The following TENM4 variants were observed in gnomAD, a reference collection of about 807,000 sequenced individuals.
TENM4 encodes teneurin-4.
Under a neutral mutation model 243.3 loss-of-function variants are expected in TENM4, and 82 were observed. That is an observed-to-expected ratio of 0.34 (90% confidence interval 0.28 to 0.40). TENM4 has a LOEUF of 0.40. TENM4 is among the 10% of genes least tolerant of loss of function. The probability of loss-of-function intolerance (pLI) is 1.00; values close to 1 mark genes in which losing one functional copy is unlikely to be tolerated. For missense variants in TENM4, 3,138 were observed against 3,673.3 expected (o/e 0.85, Z 3.77); for synonymous variants, 1,412 against 1,456.3 (o/e 0.97, Z 0.69).
Position 78,908,149 on chromosome 11 carries a change from G to T in TENM4, c.494-4626C>A, listed in dbSNP as rs1407387031. On this transcript the variant is annotated intron_variant, in intron 6 of 33. Transcript: ENST00000278550. ...CATAGTGAGGCTCCTTTACAATGCT[G>T]GGCAGAGCCGTATGTAAGAGAAAGA... Among the ~76,000 whole-genome samples the T allele has an allele frequency of 2.0e-5, 3 of 152,158 alleles. No homozygotes were observed. The East Asian group carries it at 5.8e-4, about 29-fold the overall frequency.
At chr11:79,251,550 G>C (rs976359700) in intron 2 of TENM4, among the ~76,000 whole-genome samples, 1 of 152,044 alleles carries the variant, frequency 6.6e-6, no homozygotes, top group East Asian at 1.9e-4. Context: ...TGAATGCAGG[G>C]AAATCCCACT....
chr11:79,216,072 C>A (rs1864046429), intron 2 of TENM4, among the ~76,000 whole-genome samples, 163 bp from the exon 3 acceptor site: 2 of 152,172 alleles, frequency 1.3e-5, no homozygotes, highest in Non-Finnish European at 2.9e-5. Context: ...GGGGTCCTGG[C>A]ACCCTGCAAA....
At chr11:79,170,389 C>T (rs1299105904) in intron 3 of TENM4, among the ~76,000 whole-genome samples, 1 of 152,150 alleles carries the variant, frequency 6.6e-6, no homozygotes, top group African/African-American at 2.4e-5. Flanking sequence ...ATAGGTCAAA[C>T]AGCATTGCCC....
chr11:79,078,954 A>G lies in TENM4; in HGVS notation c.-65-8945T>C, dbSNP rs148664987. On this transcript the variant is annotated intron_variant, in intron 4 of 33. Transcript: ENST00000278550. The stretch of plus-strand genomic sequence containing the variant: ...CACTGCTTCCTGCATACGTCATTCT[A>G]TATTCTAATTGGCTTAAATGTTCTA... Among the ~76,000 whole-genome samples, 440 of 152,334 alleles carry G rather than the reference A, an allele frequency of 2.9e-3. 1 individual carries two copies. The highest frequency in any genetic ancestry group is 0.01 in the African/African-American group (426 of 41,584).
intron 20 of TENM4, among the ~76,000 whole-genome samples, chr11:78,734,046 G>A (rs1032664036): frequency 2.6e-5 from 4 of 152,118 alleles, no homozygotes; most frequent in Admixed American, 6.5e-5. Flanking sequence ...AAAGTGATGT[G>A]AACTAAGTGA....
intron 9 of TENM4, among the ~76,000 whole-genome samples, chr11:78,885,017 A>C (rs955137834): frequency 6.6e-6 from 1 of 152,246 alleles, no homozygotes; most frequent in Non-Finnish European, 1.5e-5. Flanking sequence ...ATGAATGATA[A>C]ACAGCAGCCA....
chr11:79,268,539 T>TAC (rs1855917368), intron 2 of TENM4, among the ~76,000 whole-genome samples: 3 of 152,200 alleles, frequency 2.0e-5, no homozygotes, highest in African/African-American at 7.2e-5. Context: ...ATGGACTACC[T>TAC]ATTCACAAAA....
intron 2 of TENM4, among the ~76,000 whole-genome samples, chr11:79,266,944 G>A (rs1855893459): frequency 6.6e-6 from 1 of 152,126 alleles, no homozygotes; most frequent in African/African-American, 2.4e-5. Context: ...TTGGGATAAA[G>A]GTTACCACAT....
intron 2 of TENM4, among the ~76,000 whole-genome samples, chr11:79,249,055 AT>A (rs1171445859): frequency 6.6e-6 from 1 of 152,222 alleles, no homozygotes; most frequent in Non-Finnish European, 1.5e-5. Flanking sequence ...TTCAATTTTT[AT>A]TTAGCATCAT....
At chr11:79,100,252 C>G (rs1361900295) in intron 4 of TENM4, among the ~76,000 whole-genome samples, 1 of 152,082 alleles carries the variant, frequency 6.6e-6, no homozygotes, top group East Asian at 1.9e-4. Flanking sequence ...AGCTCATCAC[C>G]CTTAGGTCCC....
chr11:79,131,312 C>T (rs1431622707), intron 4 of TENM4, among the ~76,000 whole-genome samples: 1 of 152,170 alleles, frequency 6.6e-6, no homozygotes, highest in African/African-American at 2.4e-5. Context: ...GAAAATCTAT[C>T]AGAGTAACAG....
chr11:79,059,204 G>T (rs1860024074), intron 6 of TENM4, among the ~76,000 whole-genome samples: 1 of 152,122 alleles, frequency 6.6e-6, no homozygotes, highest in Admixed American at 6.5e-5. Flanking sequence ...TTCAAAGTAG[G>T]TTTCTTAATT....
At chr11:79,196,658 C>T (rs935004421) in intron 3 of TENM4, among the ~76,000 whole-genome samples, 12 of 152,144 alleles carry the variant, frequency 7.9e-5, no homozygotes, top group Non-Finnish European at 1.6e-4. Context: ...CCCATGTTTC[C>T]TGAGGACATT....
At chr11:79,202,951 C>T (rs992749841) in intron 3 of TENM4, among the ~76,000 whole-genome samples, 1 of 152,142 alleles carries the variant, frequency 6.6e-6, no homozygotes, top group Non-Finnish European at 1.5e-5. Context: ...TTTAATTTGT[C>T]CTCACAATTG....
chr11:78,791,728 TAATA>T (rs1857061134), intron 15 of TENM4, among the ~76,000 whole-genome samples: 1 of 152,216 alleles, frequency 6.6e-6, no homozygotes, highest in Non-Finnish European at 1.5e-5. Context: ...ATTCAGGATA[TAATA>T]AATACACACA....
chr11:79,203,730 A>C (rs192355606), intron 3 of TENM4, among the ~76,000 whole-genome samples: 1 of 152,224 alleles, frequency 6.6e-6, no homozygotes, highest in Non-Finnish European at 1.5e-5. Flanking sequence ...GTGGATTTCT[A>C]TCTGCAGTTG....
Position 78,669,526 on chromosome 11 carries a change from T to C in TENM4, c.6819A>G (p.Ser2273=). The change falls in exon 32 of 34, where the codon TCA becomes TCG. Residue 2273 remains serine (S), a synonymous_variant. Transcript: ENST00000278550. The surrounding 1 kb of genome is among the most constrained non-coding windows in gnomAD (Gnocchi z 6.4). Reference sequence around the variant, plus strand: ...TGTAGGCCTTGATGAGCAGGCCAGCTGAGTTGTACTCAAAGATATCACCGC... The same window carrying C: ...TGTAGGCCTTGATGAGCAGGCCAGCCGAGTTGTACTCAAAGATATCACCGC... The part of the protein sequence containing the change: ...QRGGDIFEYN[S]AGLLIKAYNR... 1 of 1,613,976 alleles carries C rather than the reference T, an allele frequency of 6.2e-7. No individual in the cohort carries two copies. Among genetic ancestry groups the C allele is most frequent in the South Asian group, 1.1e-5 (1 of 91,092 alleles).
At chr11:79,411,249 G>A (rs546701359) in intron 1 of TENM4, among the ~76,000 whole-genome samples, 20 of 152,322 alleles carry the variant, frequency 1.3e-4, no homozygotes, top group African/African-American at 4.8e-4. Context: ...CACAGTGGCT[G>A]TGACTGAGTA....
chr11:78,951,341 C>T (rs1198049733), intron 6 of TENM4, among the ~76,000 whole-genome samples: 1 of 152,178 alleles, frequency 6.6e-6, no homozygotes, highest in Non-Finnish European at 1.5e-5. Flanking sequence ...AATGAATGGA[C>T]AGATGAATGA....
Sources: allele counts gnomAD v4.1 joint callset (sites outside exome capture counted in the v4.1 genomes callset), GRCh38; gene constraint gnomAD v4.1.1; non-coding constraint Gnocchi (gnomAD v3.1); transcripts MANE v1.5; gene names NCBI Gene and HGNC (gene_info 2026-07-23, HGNC 2026-07-21).